RTL10: variants seen among roughly 807,000 people sequenced by gnomAD.
RTL10 encodes retrotransposon Gag like 10.
For synonymous variants in RTL10, 199 were observed against 188.4 expected (o/e 1.06, Z -0.46); for missense variants, 477 against 470.7 (o/e 1.01, Z -0.12).
At position 19,847,772 on chromosome 22, in the gene RTL10, A is replaced by T; in HGVS notation, c.*3395T>A. On this transcript the variant is annotated 3_prime_UTR_variant, in exon 3 of 3. Coordinates refer to ENST00000328554, the MANE Select transcript of RTL10 (RefSeq NM_024627.6). Reference sequence around the variant, plus strand: ...TCTCCATACCTCCACAACTCTGGGCATCTAAAACTTTTAAAATCCTGGAAT... The same window carrying T: ...TCTCCATACCTCCACAACTCTGGGCTTCTAAAACTTTTAAAATCCTGGAAT... 1.1e-6 allele frequency: 1 copy of T among 924,760 alleles called. No individual in the cohort carries two copies. The allele number at this position is 924,760 out of a possible 1,614,324, so 57.3% of individuals were successfully genotyped here. A position where few individuals can be genotyped will look rare whatever the true frequency, so the allele number is the denominator to read the frequency against.
At position 19,852,289 on chromosome 22, in the gene RTL10, G is replaced by A. The variant is rs1938126962; in HGVS notation, c.-28C>T. ...TGGGAGCACAGGGGAGAAGAGAGGA[G>A]AGCCAGCACTGGTGGGTGGTGGGGG... is the stretch of plus-strand genomic sequence containing the variant. On this transcript the variant is annotated 5_prime_UTR_variant, in exon 3 of 3. Transcript: ENST00000328554. The A allele has an allele frequency of 6.3e-7, 1 of 1,577,184 alleles. No individual in the cohort carries two copies. The highest frequency in any genetic ancestry group is 8.6e-7 in the Non-Finnish European group (1 of 1,160,112).
In RTL10 at chr22:19,846,646, G is replaced by C; in HGVS notation, c.*4521C>G. On this transcript the variant is annotated 3_prime_UTR_variant, in exon 3 of 3. Transcript: ENST00000328554. ...CCCCTAGTACTTACATTTGAAGACA[G>C]GGTCTTTAAAGAGGTAATTCAGGGT... is the stretch of plus-strand genomic sequence containing the variant. 3.8e-6 allele frequency: 3 copies of C among 799,996 alleles called. No individual in the cohort carries two copies. The highest frequency in any genetic ancestry group is 4.5e-6 in the Non-Finnish European group (3 of 660,406). The allele number at this position is 799,996 out of a possible 1,614,324, so 49.6% of individuals were successfully genotyped here.
Position 19,847,112 on chromosome 22 carries a change from G to A in RTL10, c.*4055C>T, listed in dbSNP as rs1338961946. On this transcript the variant is annotated 3_prime_UTR_variant, in exon 3 of 3. Transcript: ENST00000328554. ...CCTTTGGCCACAGAAATGGAAGTGG[G>A]GTGACACACATTACTTGTGGCCTGC... The A allele has an allele frequency of 2.0e-6, 2 of 985,334 alleles. No homozygotes were observed. Among genetic ancestry groups the A allele is most frequent in the Non-Finnish European group, 2.4e-6 (2 of 829,944 alleles). 61.0% of individuals were successfully genotyped at this position (985,334 alleles called of 1,614,324 possible).
Position 19,846,587 on chromosome 22 carries a change from A to G in RTL10, c.*4580T>C. On this transcript the variant is annotated 3_prime_UTR_variant, in exon 3 of 3. Coordinates refer to ENST00000328554, the MANE Select transcript of RTL10 (RefSeq NM_024627.6). ...CGCGGGCACCGCTGTGGGCAGAACT[A>G]TGTCCCTTCAATATTTTTATGTTCA... 1 of 982,904 alleles carries G rather than the reference A, an allele frequency of 1.0e-6. No individual in the cohort carries two copies. Among genetic ancestry groups the G allele is most frequent in the Non-Finnish European group, 1.2e-6 (1 of 827,590 alleles). The allele number at this position is 982,904 out of a possible 1,614,324, so 60.9% of individuals were successfully genotyped here. A position where few individuals can be genotyped will look rare whatever the true frequency, so the allele number is the denominator to read the frequency against.
In RTL10 at chr22:19,849,029, G is replaced by A. The variant is rs1479776552; in HGVS notation, c.*2138C>T. The A allele has an allele frequency of 8.1e-6, 8 of 985,272 alleles. No homozygotes were observed. Among genetic ancestry groups the A allele is most frequent in the Non-Finnish European group, 7.2e-6 (6 of 829,878 alleles). 61.0% of individuals were successfully genotyped at this position (985,272 alleles called of 1,614,324 possible). A position where few individuals can be genotyped will look rare whatever the true frequency, so the allele number is the denominator to read the frequency against. ...GCAGTCTGACCCAACCCACAAAAGG[G>A]GGGATGGGGCCTGAGTCATCGGACG... On this transcript the variant is annotated 3_prime_UTR_variant, in exon 3 of 3. Transcript: ENST00000328554.
At position 19,847,513 on chromosome 22, in the gene RTL10, G is replaced by A. The variant is rs878961166; in HGVS notation, c.*3654C>T. The A allele has an allele frequency of 1.0e-6, 1 of 985,230 alleles. No homozygotes were observed. Among genetic ancestry groups the A allele is most frequent in the South Asian group, 4.7e-5 (1 of 21,294 alleles). The allele number at this position is 985,230 out of a possible 1,614,324, so 61.0% of individuals were successfully genotyped here. On this transcript the variant is annotated 3_prime_UTR_variant, in exon 3 of 3. Coordinates refer to ENST00000328554, the MANE Select transcript of RTL10 (RefSeq NM_024627.6). ...AACCACCCCATGAGGAAAAACTCTG[G>A]TCACAGCTCAAAAAGGTCAGGTAAG...
At position 19,846,571 on chromosome 22, in the gene RTL10, C is replaced by T. The variant is rs557740913; in HGVS notation, c.*4596G>A. Reference sequence around the variant, plus strand: ...AACCAGAGAAGCCTATCGCGGGCACCGCTGTGGGCAGAACTATGTCCCTTC... The same window carrying T: ...AACCAGAGAAGCCTATCGCGGGCACTGCTGTGGGCAGAACTATGTCCCTTC... On this transcript the variant is annotated 3_prime_UTR_variant, in exon 3 of 3. Transcript: ENST00000328554. 53 of 985,298 alleles carry T rather than the reference C, an allele frequency of 5.4e-5. No homozygotes were observed. In the East Asian group the frequency reaches 5.7e-4, roughly 11 times the overall value. The allele number at this position is 985,298 out of a possible 1,614,324, so 61.0% of individuals were successfully genotyped here. A position where few individuals can be genotyped will look rare whatever the true frequency, so the allele number is the denominator to read the frequency against.
chr22:19,848,787 G>A lies in RTL10; in HGVS notation c.*2380C>T, dbSNP rs1938025500. 3.0e-6 allele frequency: 3 copies of A among 985,472 alleles called. No homozygotes were observed. Among genetic ancestry groups the A allele is most frequent in the Non-Finnish European group, 3.6e-6 (3 of 829,980 alleles). 61.0% of individuals were successfully genotyped at this position (985,472 alleles called of 1,614,324 possible). On this transcript the variant is annotated 3_prime_UTR_variant, in exon 3 of 3. Coordinates refer to ENST00000328554, the MANE Select transcript of RTL10 (RefSeq NM_024627.6). ...GCACAAAAGCCCCAAAGCCCCAATA[G>A]GACAGGGTTCAAAAGAGAAGGCAGC... is the stretch of plus-strand genomic sequence containing the variant.
chr22:19,849,956 C>G lies in RTL10; in HGVS notation c.*1211G>C. Reference sequence around the variant, plus strand: ...AAACCCCTCCTTGTGTGGAACAGGTCTTTCTTCATTCCATTCCTCTGGGCC... The same window carrying G: ...AAACCCCTCCTTGTGTGGAACAGGTGTTTCTTCATTCCATTCCTCTGGGCC... On this transcript the variant is annotated 3_prime_UTR_variant, in exon 3 of 3. Transcript: ENST00000328554. 1 of 985,516 alleles carries G rather than the reference C, an allele frequency of 1.0e-6. No individual in the cohort carries two copies. Among genetic ancestry groups the G allele is most frequent in the Non-Finnish European group, 1.2e-6 (1 of 830,016 alleles). The allele number at this position is 985,516 out of a possible 1,614,324, so 61.0% of individuals were successfully genotyped here.
chr22:19,853,926 G>A (rs930064988), intron 2 of RTL10, among the ~76,000 whole-genome samples: 14 of 152,144 alleles, frequency 9.2e-5, no homozygotes, highest in African/African-American at 3.4e-4. Context: ...CCCCATGCCC[G>A]GGAGCCACAG....
rs1326687637 is a variant in RTL10, at chr22:19,848,063, T to A, written c.*3104A>T. 4 of 985,278 alleles carry A rather than the reference T, an allele frequency of 4.1e-6. No homozygotes were observed. The Admixed American group carries it at 1.8e-4, about 45-fold the overall frequency. The allele number at this position is 985,278 out of a possible 1,614,324, so 61.0% of individuals were successfully genotyped here. On this transcript the variant is annotated 3_prime_UTR_variant, in exon 3 of 3. Coordinates refer to ENST00000328554, the MANE Select transcript of RTL10 (RefSeq NM_024627.6). ...TCTATTCTCTGCTCATCTGTCCACA[T>A]CTAAGTGCTTTAACTATTGTGGCTT...
chr22:19,850,983 C>T lies in RTL10; in HGVS notation c.*184G>A. On this transcript the variant is annotated 3_prime_UTR_variant, in exon 3 of 3. Coordinates refer to ENST00000328554, the MANE Select transcript of RTL10 (RefSeq NM_024627.6). ...GAAAGGGCACAGGGCGGAGGTCAAG[C>T]TCTGCTGGAGTTGGGGGAGCTGGTT... 7.1e-7 allele frequency: 1 copy of T among 1,409,460 alleles called. No homozygotes were observed. The highest frequency in any genetic ancestry group is 9.2e-7 in the Non-Finnish European group (1 of 1,086,160). 87.3% of individuals were successfully genotyped at this position (1,409,460 alleles called of 1,614,324 possible). A position where few individuals can be genotyped will look rare whatever the true frequency, so the allele number is the denominator to read the frequency against.
rs1234352229 is a variant in RTL10 at position 19,847,212 on chromosome 22, G to T, written c.*3955C>A. ...GCTGTCGTCAGCACAGGTCTGACAGGCCCCAGCCACGGTGGCCCACAGGTG... is the reference window on the plus strand; with the variant it reads ...GCTGTCGTCAGCACAGGTCTGACAGTCCCCAGCCACGGTGGCCCACAGGTG... On this transcript the variant is annotated 3_prime_UTR_variant, in exon 3 of 3. Coordinates refer to ENST00000328554, the MANE Select transcript of RTL10 (RefSeq NM_024627.6). 33 of 985,346 alleles carry T rather than the reference G, an allele frequency of 3.3e-5. No homozygotes were observed. Among genetic ancestry groups the T allele is most frequent in the Non-Finnish European group, 4.0e-5 (33 of 829,944 alleles). The allele number at this position is 985,346 out of a possible 1,614,324, so 61.0% of individuals were successfully genotyped here.
chr22:19,852,026 C>CT lies in RTL10; in HGVS notation c.235dup (p.Arg79LysfsTer30). Reference sequence around the variant, plus strand: ...GGGCATGTGCCCAGCTAGGGGACCCCTTTCTGCAGGTTTACCGCCACAAGT... The same window carrying CT: ...GGGCATGTGCCCAGCTAGGGGACCCCTTTTCTGCAGGTTTACCGCCACAAGT... On this transcript the variant is annotated frameshift_variant, in exon 3 of 3. Transcript: ENST00000328554. LOFTEE classifies it low-confidence loss of function (END_TRUNC). The CT allele has an allele frequency of 6.2e-7, 1 of 1,614,106 alleles. No individual in the cohort carries two copies. The highest frequency in any genetic ancestry group is 1.7e-5 in the Admixed American group (1 of 60,018).
intron 2 of RTL10, among the ~76,000 whole-genome samples, chr22:19,854,170 C>CAT (rs1938179365): frequency 6.6e-6 from 1 of 152,182 alleles, no homozygotes; most frequent in Non-Finnish European, 1.5e-5. Flanking sequence ...CACTGCCTGG[C>CAT]ATAGAAGACT....
chr22:19,851,246 TC>T lies in RTL10; in HGVS notation c.1015del (p.Glu339ArgfsTer4). 6.2e-7 allele frequency: 1 copy of T among 1,605,704 alleles called. No individual in the cohort carries two copies. The highest frequency in any genetic ancestry group is 1.7e-4 in the Middle Eastern group (1 of 6,056). The part of the protein sequence containing the change: ...EEVLETEGDQ[E>X]VSLGTPQEVV... ...CTCCTGTGGGGTACCTAAGGACACCTCCTGGTCTCCCTCTGTCTCCAAAACC... is the reference window on the plus strand; with the variant it reads ...CTCCTGTGGGGTACCTAAGGACACCTCTGGTCTCCCTCTGTCTCCAAAACC... On this transcript the variant is annotated frameshift_variant, in exon 3 of 3. Coordinates refer to ENST00000328554, the MANE Select transcript of RTL10 (RefSeq NM_024627.6). LOFTEE classifies it low-confidence loss of function (END_TRUNC).
rs1181921773 is a variant in RTL10, at chr22:19,851,884, G to A, written c.378C>T (p.Ser126=). ...TGTCCTGATAGTGCTCAAAGTGGAA[G>A]GACATGTAATCGCCCAGCTGGGCCA... The part of the protein sequence containing the change: ...RFLAQLGDYM[S]FHFEHYQDNI... The change falls in exon 3 of 3, where the codon TCC becomes TCT. Residue 126 remains serine, a synonymous_variant. Transcript: ENST00000328554. 6.2e-7 allele frequency: 1 copy of A among 1,614,062 alleles called. No homozygotes were observed. Among genetic ancestry groups the A allele is most frequent in the Non-Finnish European group, 8.5e-7 (1 of 1,180,044 alleles).
At position 19,848,772 on chromosome 22, in the gene RTL10, C is replaced by T. The variant is rs1938025081; in HGVS notation, c.*2395G>A. ...GCCTGGGTCCCAAGGGCACAAAAGC[C>T]CCAAAGCCCCAATAGGACAGGGTTC... On this transcript the variant is annotated 3_prime_UTR_variant, in exon 3 of 3. Transcript: ENST00000328554. The T allele has an allele frequency of 4.7e-5, 46 of 985,484 alleles. No homozygotes were observed. Among genetic ancestry groups the T allele is most frequent in the Non-Finnish European group, 5.4e-5 (45 of 829,990 alleles). 61.0% of individuals were successfully genotyped at this position (985,484 alleles called of 1,614,324 possible).
In RTL10 at chr22:19,847,461, T is replaced by C; in HGVS notation, c.*3706A>G. ...CCCAGACCCCAGCCAAGGCACTGCA[T>C]GGGCATCATTCTCATTCAACCCTTC... On this transcript the variant is annotated 3_prime_UTR_variant, in exon 3 of 3. Transcript: ENST00000328554. 1 of 985,466 alleles carries C rather than the reference T, an allele frequency of 1.0e-6. No individual in the cohort carries two copies. Among genetic ancestry groups the C allele is most frequent in the Non-Finnish European group, 1.2e-6 (1 of 829,946 alleles). 61.0% of individuals were successfully genotyped at this position (985,466 alleles called of 1,614,324 possible).
Sources: gnomAD v4.1 joint callset for allele counts (sites outside exome capture counted in the v4.1 genomes callset) on GRCh38, gnomAD v4.1.1 for gene constraint, MANE v1.5 for transcripts, NCBI Gene and HGNC (gene_info 2026-07-23, HGNC 2026-07-21) for gene names.